The following GPC6 variants were observed in gnomAD, a reference collection of about 807,000 sequenced individuals.
GPC6 encodes glypican-6.
Under a neutral mutation model 55.2 loss-of-function variants are expected in GPC6, and 14 were observed. The observed-to-expected ratio is 0.25, with a 90% CI of 0.17 to 0.40. GPC6 has a LOEUF of 0.40. GPC6 is among the 10% of genes least tolerant of loss of function. The pLI is 1.00. For synonymous variants in GPC6, 278 were observed against 259.6 expected, an observed-to-expected ratio of 1.07 and a Z score of -0.68; for missense variants, 641 against 708.5, an observed-to-expected ratio of 0.90 and a Z score of 1.08.
At chr13:93,352,472 G>A (rs935522441) in intron 1 of GPC6, among the ~76,000 whole-genome samples, 4 of 152,068 alleles carry the variant, frequency 2.6e-5, no homozygotes, top group African/African-American at 7.2e-5. Context: ...GTAAATTCTG[G>A]CCATTTATAT....
intron 2 of GPC6, among the ~76,000 whole-genome samples, chr13:93,741,240 G>A (rs1884190484): frequency 1.4e-5 from 2 of 140,988 alleles, no homozygotes; most frequent in South Asian, 2.4e-4. Flanking sequence ...TCAGCCTCCC[G>A]AGTAGCTGGG....
intron 1 of GPC6, among the ~76,000 whole-genome samples, chr13:93,382,455 C>T (rs1418266125): frequency 6.6e-6 from 1 of 152,072 alleles, no homozygotes; most frequent in Non-Finnish European, 1.5e-5. Flanking sequence ...TTTTTCTCCA[C>T]TTTGTATTAA....
intron 1 of GPC6, among the ~76,000 whole-genome samples, chr13:93,376,986 T>C (rs1874928430): frequency 6.6e-6 from 1 of 152,224 alleles, no homozygotes; most frequent in South Asian, 2.1e-4. Flanking sequence ...CCTTTCTTTT[T>C]CCCACTAAAT....
chr13:93,973,029 T>C (rs1880356667), intron 3 of GPC6, among the ~76,000 whole-genome samples: 1 of 152,004 alleles, frequency 6.6e-6, no homozygotes, highest in Non-Finnish European at 1.5e-5. Context: ...GTCCTCAATG[T>C]CAAGAGTCCA....
At chr13:93,849,322 T>C (rs917476724) in intron 3 of GPC6, among the ~76,000 whole-genome samples, 1 of 152,134 alleles carries the variant, frequency 6.6e-6, no homozygotes, top group East Asian at 1.9e-4. Flanking sequence ...AAGGATGTAC[T>C]ATAGTTCTTT....
intron 3 of GPC6, among the ~76,000 whole-genome samples, chr13:93,965,087 T>C (rs1159719959): frequency 1.3e-5 from 2 of 151,104 alleles, no homozygotes; most frequent in African/African-American, 4.9e-5. Context: ...AGTAAGTATT[T>C]GGGAAACACT....
Position 94,185,015 on chromosome 13 carries a change from A to G in GPC6, c.878-101334A>G, listed in dbSNP as rs888888449. Among the ~76,000 whole-genome samples, 54 of 152,196 alleles carry G rather than the reference A, an allele frequency of 3.5e-4. 1 individual carries two copies. Among genetic ancestry groups the G allele is most frequent in the Middle Eastern group, 3.2e-3 (1 of 316 alleles). On this transcript the variant is annotated intron_variant, in intron 4 of 8. Coordinates refer to ENST00000377047, the MANE Select transcript of GPC6 (RefSeq NM_005708.5). ...AGCAACACAGATGGAGGTGGAGGAC[A>G]TAATCCAAATGAATTAACACAGGAA...
intron 3 of GPC6, among the ~76,000 whole-genome samples, chr13:94,000,023 G>A (rs557144642): frequency 6.6e-6 from 1 of 152,214 alleles, no homozygotes; most frequent in East Asian, 1.9e-4. Context: ...GCAAATACTG[G>A]TGGTGCTTTA....
intron 6 of GPC6, among the ~76,000 whole-genome samples, chr13:94,355,235 C>G (rs973353695): frequency 7.2e-5 from 11 of 151,874 alleles, no homozygotes; most frequent in African/African-American, 2.7e-4. Flanking sequence ...TTTGGTCAGG[C>G]TGGTCTCAAA....
intron 4 of GPC6, among the ~76,000 whole-genome samples, chr13:94,094,068 G>C (rs1885585856): frequency 2.4e-4 from 1 of 4,116 alleles, no homozygotes; most frequent in African/African-American, 2.8e-4. Context: ...TTTTCGAAAT[G>C]AATTGTTTAG....
intron 1 of GPC6, among the ~76,000 whole-genome samples, chr13:93,318,198 C>T (rs9301868): frequency 0.053 from 7,991 of 152,066 alleles, 686 homozygotes; most frequent in African/African-American, 0.18. Flanking sequence ...CTTCTCCCTC[C>T]GTCCATAGCC....
intron 1 of GPC6, among the ~76,000 whole-genome samples, chr13:93,523,318 A>T (rs1881509259): frequency 1.3e-5 from 2 of 149,006 alleles, no homozygotes; most frequent in Non-Finnish European, 3.0e-5. Flanking sequence ...AATATTTAAA[A>T]GAGGATATAT....
intron 6 of GPC6, among the ~76,000 whole-genome samples, chr13:94,341,771 C>A (rs931753400): frequency 6.6e-6 from 1 of 152,122 alleles, no homozygotes; most frequent in Admixed American, 6.5e-5. Flanking sequence ...ATAAGGATTA[C>A]AGTGACATAT....
intron 1 of GPC6, among the ~76,000 whole-genome samples, chr13:93,405,069 ATTT>A (rs973511755): frequency 7.2e-5 from 11 of 152,138 alleles, no homozygotes; most frequent in African/African-American, 2.7e-4. Context: ...AGTTGGGTTT[ATTT>A]TTATTTAGGA....
chr13:93,448,470 C>G (rs1878093775), intron 1 of GPC6, among the ~76,000 whole-genome samples: 1 of 152,098 alleles, frequency 6.6e-6, no homozygotes, highest in Non-Finnish European at 1.5e-5. Context: ...TGATGTATGA[C>G]TACGTGTGAA....
intron 4 of GPC6, among the ~76,000 whole-genome samples, chr13:94,034,998 G>A (rs1211366062): frequency 6.6e-6 from 1 of 151,450 alleles, no homozygotes; most frequent in Non-Finnish European, 1.5e-5. Context: ...ATTTCTATGA[G>A]AAACAACAAC....
At chr13:93,883,891 AC>A (rs1212180144) in intron 3 of GPC6, among the ~76,000 whole-genome samples, 1 of 152,028 alleles carries the variant, frequency 6.6e-6, no homozygotes, top group Non-Finnish European at 1.5e-5. Context: ...ACAGTGTAAA[AC>A]AAAAACAATC....
intron 4 of GPC6, among the ~76,000 whole-genome samples, chr13:94,039,963 A>G (rs997885683): frequency 6.6e-6 from 1 of 151,936 alleles, no homozygotes; most frequent in African/African-American, 2.4e-5. Context: ...GCTTAACATA[A>G]TGATTTAACG....
At chr13:93,313,321 A>G (rs1879137169) in intron 1 of GPC6, among the ~76,000 whole-genome samples, 1 of 152,106 alleles carries the variant, frequency 6.6e-6, no homozygotes, top group African/African-American at 2.4e-5. Context: ...ACTACTTCCA[A>G]TCTAGTATTT....
Sources: allele counts gnomAD v4.1 joint callset (sites outside exome capture counted in the v4.1 genomes callset), GRCh38; gene constraint gnomAD v4.1.1; transcripts MANE v1.5; gene names NCBI Gene and HGNC (gene_info 2026-07-23, HGNC 2026-07-21).